Variants in CDH18 observed in about 807,000 individuals in gnomAD.
CDH18 encodes cadherin 18, also known as cadherin-18.
Under a neutral mutation model 67.9 loss-of-function variants are expected in CDH18, and 31 were observed. The ratio of observed to expected loss-of-function variants is 0.46; its 90% confidence interval spans 0.34 to 0.62. The LOEUF (loss-of-function observed/expected upper bound fraction) is 0.62, where lower values mean the gene tolerates loss of function less well. CDH18 is among the 20% of genes least tolerant of loss of function. The pLI, the probability that CDH18 is intolerant of heterozygous loss-of-function variation, is 0.01. For missense variants in CDH18, 890 were observed against 975.5 expected, an observed-to-expected ratio of 0.91 and a Z score of 1.17; for synonymous variants, 362 against 347.2, an observed-to-expected ratio of 1.04 and a Z score of -0.48.
intron 5 of CDH18, among the ~76,000 whole-genome samples, chr5:19,697,820 G>C (rs1023880250): frequency 6.6e-6 from 1 of 152,092 alleles, no homozygotes; most frequent in East Asian, 1.9e-4. Context: ...TTTTCAGAAA[G>C]AGCAAATAGA....
chr5:19,719,756 T>C (rs1441981897), intron 5 of CDH18, among the ~76,000 whole-genome samples: 1 of 151,920 alleles, frequency 6.6e-6, no homozygotes. Context: ...TCTACAATTA[T>C]AATGCATATA....
intron 2 of CDH18, among the ~76,000 whole-genome samples, chr5:19,957,607 T>C (rs1362328839): frequency 6.6e-6 from 1 of 151,956 alleles, no homozygotes; most frequent in Non-Finnish European, 1.5e-5. Flanking sequence ...AATAAAATTT[T>C]GGGTACACTT....
At chr5:20,327,027 C>T (rs1179493580) in intron 1 of CDH18, among the ~76,000 whole-genome samples, 2 of 151,998 alleles carry the variant, frequency 1.3e-5, no homozygotes, top group Admixed American at 6.5e-5. Context: ...GTTACATGTA[C>T]GATTGATATT....
chr5:19,779,733 AG>A (rs1774875257), intron 3 of CDH18, among the ~76,000 whole-genome samples: 1 of 152,154 alleles, frequency 6.6e-6, no homozygotes, highest in Admixed American at 6.6e-5. Flanking sequence ...AAGGCTGCAT[AG>A]GGCTTCTTTA....
intron 2 of CDH18, among the ~76,000 whole-genome samples, chr5:20,114,126 T>A (rs1580273383): frequency 6.6e-6 from 1 of 152,226 alleles, no homozygotes; most frequent in South Asian, 2.1e-4. Context: ...TACCCAGATA[T>A]ATGCAACATC....
At chr5:20,396,874 C>G (rs1051241081) in intron 1 of CDH18, among the ~76,000 whole-genome samples, 2 of 152,142 alleles carry the variant, frequency 1.3e-5, no homozygotes, top group South Asian at 4.1e-4. Flanking sequence ...TAGTAAGTTT[C>G]CAAATAAAAT....
chr5:19,867,572 A>C (rs910406373), intron 2 of CDH18, among the ~76,000 whole-genome samples: 10 of 131,354 alleles, frequency 7.6e-5, no homozygotes, highest in Admixed American at 6.3e-4. Context: ...TGCTGATTTT[A>C]TGAATGACAT....
Position 20,026,967 on chromosome 5 carries a change from A to T in CDH18, c.-517-34953T>A, listed in dbSNP as rs556462550. ...GTGACTCCGTTTCAAACATAAAAAA[A>T]AAATAAATAAAATAAAATTTGGACC... On this transcript the variant is annotated intron_variant, in intron 2 of 14. Coordinates refer to the CDH18 transcript ENST00000507958. Among the ~76,000 whole-genome samples the T allele has an allele frequency of 2.9e-4, 44 of 150,958 alleles. 1 individual carries two copies. The highest frequency in any genetic ancestry group is 6.9e-4 in the African/African-American group (28 of 40,368).
intron 2 of CDH18, among the ~76,000 whole-genome samples, chr5:19,922,453 A>AG (rs1792596752): frequency 6.6e-6 from 1 of 152,246 alleles, no homozygotes; most frequent in Admixed American, 6.5e-5. Flanking sequence ...ATATTACAAG[A>AG]GATCAAGCCT....
chr5:19,593,642 TTCACCCACTCCCCCTCC>T (rs1745561720), intron 6 of CDH18, among the ~76,000 whole-genome samples: 1 of 131,678 alleles, frequency 7.6e-6, no homozygotes, highest in Non-Finnish European at 1.6e-5. Flanking sequence ...CTTCTCCTCC[TTCACCCACTCCCCCTCC>T]CCTTCTACCT....
intron 1 of CDH18, among the ~76,000 whole-genome samples, chr5:20,329,630 C>T (rs182871630): frequency 8.6e-5 from 13 of 151,816 alleles, no homozygotes; most frequent in Admixed American, 4.6e-4. Flanking sequence ...ATTAGCCGGA[C>T]GTGGTGGTGG....
intron 3 of CDH18, among the ~76,000 whole-genome samples, chr5:19,837,990 C>G (rs997179031): frequency 2.0e-5 from 3 of 152,140 alleles, no homozygotes; most frequent in Non-Finnish European, 4.4e-5. Flanking sequence ...CATGCTTAAA[C>G]TCTCCCATGT....
chr5:19,482,699 C>G (rs2126587442), intron 12 of CDH18, among the ~76,000 whole-genome samples: 1 of 152,198 alleles, frequency 6.6e-6, no homozygotes. Context: ...CTAGTGTAGT[C>G]AAGCAAATTA....
At chr5:19,728,588 T>C (rs1767171004) in intron 4 of CDH18, among the ~76,000 whole-genome samples, 1 of 152,140 alleles carries the variant, frequency 6.6e-6, no homozygotes, top group Non-Finnish European at 1.5e-5. Flanking sequence ...TAGACACATA[T>C]CAATGAGAGG....
chr5:20,179,837 T>C (rs1356077120), intron 2 of CDH18, among the ~76,000 whole-genome samples: 3 of 152,220 alleles, frequency 2.0e-5, no homozygotes, highest in Non-Finnish European at 2.9e-5. Context: ...AGGGTCTCCA[T>C]TTCTCTTTGA....
intron 1 of CDH18, among the ~76,000 whole-genome samples, chr5:20,452,638 G>GA (rs903889733): frequency 6.6e-6 from 1 of 151,820 alleles, no homozygotes; most frequent in Admixed American, 6.6e-5. Flanking sequence ...GAGAAAATCA[G>GA]AAAAAAATAA....
intron 3 of CDH18, among the ~76,000 whole-genome samples, chr5:19,811,152 A>AAGAG (rs1561351719): frequency 3.5e-4 from 13 of 37,440 alleles, no homozygotes; most frequent in African/African-American, 1.3e-3. Flanking sequence ...GAAAGAAAGA[A>AAGAG]AGAAAGAAGG....
chr5:20,262,765 T>C (rs1465455635), intron 1 of CDH18, among the ~76,000 whole-genome samples: 1 of 152,008 alleles, frequency 6.6e-6, no homozygotes, highest in East Asian at 1.9e-4. Flanking sequence ...GCTAGAAATA[T>C]ATACAATCGT....
chr5:19,768,652 G>T (rs1773375944), intron 3 of CDH18, among the ~76,000 whole-genome samples: 1 of 151,984 alleles, frequency 6.6e-6, no homozygotes, highest in Non-Finnish European at 1.5e-5. Flanking sequence ...GATAATTAAG[G>T]CAAGCTGAGA....
Sources: allele counts gnomAD v4.1 joint callset (sites outside exome capture counted in the v4.1 genomes callset), GRCh38; gene constraint gnomAD v4.1.1; transcripts MANE v1.5; gene names NCBI Gene and HGNC (gene_info 2026-07-23, HGNC 2026-07-21).